FBXO30: variants seen among roughly 807,000 people sequenced by gnomAD.
FBXO30 encodes F-box only protein 30.
Under a neutral mutation model 58.1 loss-of-function variants are expected in FBXO30, and 21 were observed. That is an observed-to-expected ratio of 0.36 (90% CI 0.26 to 0.52). The LOEUF (loss-of-function observed/expected upper bound fraction) is 0.52, where lower values mean the gene tolerates loss of function less well. Ranked by LOEUF, FBXO30 falls within the 20% of genes least tolerant of loss-of-function variation. FBXO30 has a pLI of 0.93. For missense variants in FBXO30, 744 were observed against 897.3 expected (o/e 0.83, Z 2.18); for synonymous variants, 309 against 312.4 (o/e 0.99, Z 0.11).
chr6:145,808,814 A>G (rs1299811311), intron 1 of FBXO30, among the ~76,000 whole-genome samples: 1 of 152,182 alleles, frequency 6.6e-6, no homozygotes, highest in Non-Finnish European at 1.5e-5. Flanking sequence ...AGTGCGTAAG[A>G]GATTATTAAC....
intron 1 of FBXO30, among the ~76,000 whole-genome samples, chr6:145,810,623 G>A (rs770783349): frequency 1.2e-4 from 19 of 152,082 alleles, no homozygotes; most frequent in Non-Finnish European, 2.4e-4. Flanking sequence ...CTCTGTGGCT[G>A]ACAAGCAATT....
intron 1 of FBXO30, among the ~76,000 whole-genome samples, chr6:145,808,483 AT>A (rs1246792341): frequency 3.0e-4 from 45 of 152,074 alleles, no homozygotes; most frequent in Non-Finnish European, 5.9e-5. Context: ...CTTCTTAACT[AT>A]TACTCAATAA....
intron 2 of FBXO30, among the ~76,000 whole-genome samples, chr6:145,800,679 T>C (rs1434241505): frequency 6.6e-6 from 1 of 152,242 alleles, no homozygotes; most frequent in East Asian, 1.9e-4. Context: ...TCCAATTGGC[T>C]ATCTAGAACT....
At position 145,797,474 on chromosome 6, in the gene FBXO30, C is replaced by T. The variant is rs1029508733; in HGVS notation, c.*2632G>A. The T allele has an allele frequency of 2.6e-5, 4 of 151,998 alleles. No homozygotes were observed. Among genetic ancestry groups the T allele is most frequent in the African/African-American group, 4.8e-5 (2 of 41,418 alleles). The allele number at this position is 151,998 out of a possible 1,614,324, so 9.4% of individuals were successfully genotyped here. A position where few individuals can be genotyped will look rare whatever the true frequency, so the allele number is the denominator to read the frequency against. On this transcript the variant is annotated 3_prime_UTR_variant, in exon 3 of 3. Transcript: ENST00000237281. Reference sequence around the variant, plus strand: ...CTCTAAGTTCTAATACTTTACTGTGCGTTAGAATCACCTAGAGATCTTGTT... The same window carrying T: ...CTCTAAGTTCTAATACTTTACTGTGTGTTAGAATCACCTAGAGATCTTGTT...
intron 2 of FBXO30, among the ~76,000 whole-genome samples, chr6:145,800,689 TA>T (rs1264932489): frequency 6.6e-6 from 1 of 152,134 alleles, no homozygotes; most frequent in Non-Finnish European, 1.5e-5. Context: ...TATCTAGAAC[TA>T]ATTACACTCT....
intron 1 of FBXO30, among the ~76,000 whole-genome samples, chr6:145,813,252 TAA>T (rs1230812890): frequency 5.9e-5 from 9 of 152,008 alleles, no homozygotes; most frequent in African/African-American, 1.9e-4. Context: ...TGGTATACAT[TAA>T]AGTTTGCCTA....
rs1270559502 is a variant in FBXO30 at position 145,799,107 on chromosome 6, T to G, written c.*999A>C. The G allele has an allele frequency of 1.3e-5, 2 of 151,962 alleles. No individual in the cohort carries two copies. The highest frequency in any genetic ancestry group is 2.9e-5 in the Non-Finnish European group (2 of 67,948). The allele number at this position is 151,962 out of a possible 1,614,324, so 9.4% of individuals were successfully genotyped here. A position where few individuals can be genotyped will look rare whatever the true frequency, so the allele number is the denominator to read the frequency against. ...CTATGGGAAATTAACTCGGAAATGT[T>G]TCAAAGAGATTGTCAACCAAGACAG... On this transcript the variant is annotated 3_prime_UTR_variant, in exon 3 of 3. Transcript: ENST00000237281.
At chr6:145,807,933 G>A (rs1166624386) in intron 1 of FBXO30, among the ~76,000 whole-genome samples, 2 of 151,834 alleles carry the variant, frequency 1.3e-5, no homozygotes, top group Non-Finnish European at 2.9e-5. Flanking sequence ...TTCAAGACCA[G>A]CCTGGACAAC....
At chr6:145,809,290 A>T (rs776849908) in intron 1 of FBXO30, among the ~76,000 whole-genome samples, 1 of 152,214 alleles carries the variant, frequency 6.6e-6, no homozygotes, top group Non-Finnish European at 1.5e-5. Context: ...CTGTGAAAAC[A>T]GCTGTAGCTT....
At chr6:145,810,367 CATGCCTTT>C (rs1167353342) in intron 1 of FBXO30, among the ~76,000 whole-genome samples, 1 of 152,158 alleles carries the variant, frequency 6.6e-6, no homozygotes, top group Non-Finnish European at 1.5e-5. Context: ...TCAAATTAAA[CATGCCTTT>C]ATAAAGTATT....
intron 1 of FBXO30, among the ~76,000 whole-genome samples, chr6:145,808,037 CA>C (rs1305881249): frequency 3.9e-5 from 6 of 152,014 alleles, no homozygotes; most frequent in African/African-American, 1.5e-4. Flanking sequence ...GAGGCCAAGG[CA>C]GGAGGCTCAA....
At chr6:145,801,765 G>A (rs919682726) in intron 2 of FBXO30, among the ~76,000 whole-genome samples, 4 of 152,142 alleles carry the variant, frequency 2.6e-5, no homozygotes, top group African/African-American at 9.6e-5. Context: ...TAGTATAGAT[G>A]TCACTAGCCT....
chr6:145,797,250 A>C lies in FBXO30; in HGVS notation c.*2856T>G, dbSNP rs143626261. On this transcript the variant is annotated 3_prime_UTR_variant, in exon 3 of 3. Coordinates refer to ENST00000237281, the MANE Select transcript of FBXO30 (RefSeq NM_032145.5). ...ATACTAGTAAATACTAATTTAAAGAATACAAGTCCAACAACTACAGTACCC... is the reference window on the plus strand; with the variant it reads ...ATACTAGTAAATACTAATTTAAAGACTACAAGTCCAACAACTACAGTACCC... 9.1e-4 allele frequency: 138 copies of C among 152,170 alleles called. No homozygotes were observed. Among genetic ancestry groups the C allele is most frequent in the African/African-American group, 3.1e-3 (129 of 41,548 alleles). The allele number at this position is 152,170 out of a possible 1,614,324, so 9.4% of individuals were successfully genotyped here. A position where few individuals can be genotyped will look rare whatever the true frequency, so the allele number is the denominator to read the frequency against.
In FBXO30 at chr6:145,794,818, G is replaced by C. The variant is rs1272113040; in HGVS notation, c.*5288C>G. Reference sequence around the variant, plus strand: ...TTGTTTCTTCACGGGTGAGCTGAGAGAGACTTTAAAACAAGCATGATAAGT... The same window carrying C: ...TTGTTTCTTCACGGGTGAGCTGAGACAGACTTTAAAACAAGCATGATAAGT... On this transcript the variant is annotated 3_prime_UTR_variant, in exon 3 of 3. Coordinates refer to ENST00000237281, the MANE Select transcript of FBXO30 (RefSeq NM_032145.5). 6.6e-6 allele frequency: 1 copy of C among 151,778 alleles called. No individual in the cohort carries two copies. The highest frequency in any genetic ancestry group is 1.5e-5 in the Non-Finnish European group (1 of 67,770). 9.4% of individuals were successfully genotyped at this position (151,778 alleles called of 1,614,324 possible).
At position 145,799,498 on chromosome 6, in the gene FBXO30, TGTAA is replaced by T. The variant is rs1777933671; in HGVS notation, c.*604_*607del. 1 of 152,484 alleles carries T rather than the reference TGTAA, an allele frequency of 6.6e-6. No homozygotes were observed. Among genetic ancestry groups the T allele is most frequent in the Non-Finnish European group, 1.5e-5 (1 of 68,082 alleles). 9.4% of individuals were successfully genotyped at this position (152,484 alleles called of 1,614,324 possible). On this transcript the variant is annotated 3_prime_UTR_variant, in exon 3 of 3. Coordinates refer to ENST00000237281, the MANE Select transcript of FBXO30 (RefSeq NM_032145.5). ...CACATGGTCACTCTGTGTGTTGAGT[TGTAA>T]GTATGTGAGATAAAAACATCTTTGT...
At chr6:145,809,413 T>C (rs1316566436) in intron 1 of FBXO30, among the ~76,000 whole-genome samples, 1 of 152,186 alleles carries the variant, frequency 6.6e-6, no homozygotes, top group Non-Finnish European at 1.5e-5. Flanking sequence ...AAGTAACCAG[T>C]GCTCTCAGAA....
chr6:145,801,300 C>G (rs1777989040), intron 2 of FBXO30, among the ~76,000 whole-genome samples: 3 of 152,064 alleles, frequency 2.0e-5, no homozygotes, highest in Admixed American at 2.0e-4. Flanking sequence ...GCTTGTCTAA[C>G]CTGGGGCCCG....
rs1179149034 is a variant in FBXO30, at chr6:145,794,089, T to A, written c.*6017A>T. The stretch of plus-strand genomic sequence containing the variant: ...TCTTGTTCTACAATATTTTCATCAA[T>A]CCAAAAGAAAACCCCATACCCATGA... On this transcript the variant is annotated 3_prime_UTR_variant, in exon 3 of 3. Coordinates refer to ENST00000237281, the MANE Select transcript of FBXO30 (RefSeq NM_032145.5). 2.0e-5 allele frequency: 3 copies of A among 151,892 alleles called. No individual in the cohort carries two copies. Among genetic ancestry groups the A allele is most frequent in the Non-Finnish European group, 2.9e-5 (2 of 67,850 alleles). 9.4% of individuals were successfully genotyped at this position (151,892 alleles called of 1,614,324 possible).
Position 145,798,085 on chromosome 6 carries a change from C to T in FBXO30, c.*2021G>A, listed in dbSNP as rs1009584065. On this transcript the variant is annotated 3_prime_UTR_variant, in exon 3 of 3. Coordinates refer to ENST00000237281, the MANE Select transcript of FBXO30 (RefSeq NM_032145.5). ...AGTAATGATGATAATCAACAACTAC[C>T]ATAACATGCAGAAAATCCACATTAC... 1 of 151,946 alleles carries T rather than the reference C, an allele frequency of 6.6e-6. No homozygotes were observed. The highest frequency in any genetic ancestry group is 1.5e-5 in the Non-Finnish European group (1 of 67,938). The allele number at this position is 151,946 out of a possible 1,614,324, so 9.4% of individuals were successfully genotyped here.
Sources: gnomAD v4.1 joint callset for allele counts (sites outside exome capture counted in the v4.1 genomes callset) on GRCh38, gnomAD v4.1.1 for gene constraint, MANE v1.5 for transcripts, NCBI Gene and HGNC (gene_info 2026-07-23, HGNC 2026-07-21) for gene names.